Variants in LCOR observed in about 807,000 individuals in gnomAD.
LCOR encodes ligand-dependent corepressor.
A neutral mutation model predicts 64.4 loss-of-function variants in LCOR; 14 were observed. The ratio of observed to expected loss-of-function variants is 0.22; its 90% CI spans 0.14 to 0.34. The LOEUF (loss-of-function observed/expected upper bound fraction) is 0.34, where lower values mean the gene tolerates loss of function less well. LCOR is among the 10% of genes least tolerant of loss of function. LCOR has a pLI of 1.00. For missense variants in LCOR, 1,686 were observed against 1,765.3 expected, an observed-to-expected ratio of 0.96 and a Z score of 0.80; for synonymous variants, 643 against 642.5, an observed-to-expected ratio of 1.00 and a Z score of -0.01.
chr10:96,920,111 A>G (rs1216550062), intron 4 of LCOR, among the ~76,000 whole-genome samples: 1 of 151,940 alleles, frequency 6.6e-6, no homozygotes. Flanking sequence ...TGCTACCAGC[A>G]AGGCTAAAGG....
intron 2 of LCOR, among the ~76,000 whole-genome samples, chr10:96,833,720 A>G (rs968777288): frequency 1.3e-5 from 2 of 152,234 alleles, no homozygotes; most frequent in African/African-American, 2.4e-5. Flanking sequence ...CTTTCCCGGC[A>G]GAATCTAGGA....
At chr10:96,895,935 A>G (rs1462305580) in intron 2 of LCOR, among the ~76,000 whole-genome samples, 1 of 152,146 alleles carries the variant, frequency 6.6e-6, no homozygotes, top group Non-Finnish European at 1.5e-5. Flanking sequence ...TTTAAAAATT[A>G]ACTAGCTGTT....
At position 96,982,470 on chromosome 10, in the gene LCOR, CCTT is replaced by C. The variant is rs1435750569; in HGVS notation, c.2012_2014del (p.Leu671del). Reference sequence around the variant, plus strand: ...TGAGTGTACCCCAGGACTGTCACCTCCTTCCCTCCACTGAAAGCTTTTCCGGGG... The same window carrying C: ...TGAGTGTACCCCAGGACTGTCACCTCCCCTCCACTGAAAGCTTTTCCGGGG... On this transcript the variant is annotated inframe_deletion, in exon 8 of 8. Transcript: ENST00000421806. The C allele has an allele frequency of 6.2e-7, 1 of 1,614,128 alleles. No homozygotes were observed. The highest frequency in any genetic ancestry group is 8.5e-7 in the Non-Finnish European group (1 of 1,180,050).
Position 96,981,300 on chromosome 10 carries a change from C to T in LCOR, c.840C>T (p.Asn280=), listed in dbSNP as rs1184566183. The T allele has an allele frequency of 2.0e-6, 3 of 1,523,206 alleles. No individual in the cohort carries two copies. The Admixed American group carries it at 5.0e-5, about 26-fold the overall frequency. The allele number at this position is 1,523,206 out of a possible 1,614,324, so 94.4% of individuals were successfully genotyped here. The change falls in exon 8 of 8, where the codon AAC becomes AAT. Residue 280 remains asparagine (N), a synonymous_variant. Coordinates refer to ENST00000421806, the MANE Select transcript of LCOR (RefSeq NM_001346516.2). ...CTGCATCTAATTGTTCCTCAGTGAACTTCCACCACATCCCTAAAATCTTGG... is the reference window on the plus strand; with the variant it reads ...CTGCATCTAATTGTTCCTCAGTGAATTTCCACCACATCCCTAAAATCTTGG... ...YLTASNCSSV[N]FHHIPKILEG...
chr10:96,911,339 C>T (rs1318355118), intron 4 of LCOR, among the ~76,000 whole-genome samples: 6 of 152,110 alleles, frequency 3.9e-5, no homozygotes, highest in Non-Finnish European at 8.8e-5. Context: ...CTCAAGTGAT[C>T]CACTCGCCTC....
At chr10:96,893,270 G>A (rs1456236713) in intron 2 of LCOR, among the ~76,000 whole-genome samples, 1 of 152,130 alleles carries the variant, frequency 6.6e-6, no homozygotes, top group Non-Finnish European at 1.5e-5. Context: ...ATTGTTGTAT[G>A]TAGTCTTTTA....
chr10:96,848,824 C>A (rs1398803777), intron 2 of LCOR, among the ~76,000 whole-genome samples: 1 of 152,046 alleles, frequency 6.6e-6, no homozygotes, highest in Non-Finnish European at 1.5e-5. Context: ...AATATTCTTT[C>A]AGGAATGGTT....
intron 4 of LCOR, among the ~76,000 whole-genome samples, chr10:96,923,609 G>A (rs1847117875): frequency 6.6e-6 from 1 of 152,162 alleles, no homozygotes; most frequent in South Asian, 2.1e-4. Context: ...AGATATTAGA[G>A]CTACAAAAGA....
chr10:96,892,486 C>T (rs921702053), intron 2 of LCOR, among the ~76,000 whole-genome samples: 6 of 152,062 alleles, frequency 3.9e-5, no homozygotes, highest in Non-Finnish European at 5.9e-5. Context: ...GGTGAGGTGC[C>T]GCTTTCTGGT....
intron 4 of LCOR, among the ~76,000 whole-genome samples, chr10:96,932,747 C>A (rs772128988): frequency 4.6e-5 from 7 of 152,174 alleles, no homozygotes; most frequent in Non-Finnish European, 8.8e-5. Flanking sequence ...CAGGCATGAG[C>A]CACCATGCCT....
In LCOR at chr10:96,891,041, T is replaced by C. The variant is rs185781043; in HGVS notation, c.-329-16224T>C. On this transcript the variant is annotated intron_variant, in intron 2 of 7. Transcript: ENST00000421806. ...CTTTGCTATCAGGGTAATACTAGAT[T>C]TATGGGATGAGTTTGGAAGTATTCA... 2.2e-3 allele frequency among the ~76,000 whole-genome samples: 342 copies of C among 152,306 alleles called. 5 individuals carry two copies. The highest frequency in any genetic ancestry group is 7.9e-3 in the African/African-American group (328 of 41,560).
At chr10:96,952,491 G>A (rs536770133) in intron 7 of LCOR, among the ~76,000 whole-genome samples, 11 of 152,194 alleles carry the variant, frequency 7.2e-5, no homozygotes, top group Non-Finnish European at 1.3e-4. Context: ...AAGTTTAGAT[G>A]TAAAGACAGT....
chr10:96,977,662 AGTTTGTTT>A (rs144809803), intron 7 of LCOR, among the ~76,000 whole-genome samples: 22 of 151,926 alleles, frequency 1.4e-4, no homozygotes, highest in Admixed American at 1.2e-3. Flanking sequence ...TTGATCTCCA[AGTTTGTTT>A]GTTTGTTTGT....
intron 2 of LCOR, among the ~76,000 whole-genome samples, chr10:96,879,988 TGCATGTCTG>T (rs1846235131): frequency 1.3e-5 from 2 of 152,340 alleles, no homozygotes; most frequent in African/African-American, 4.8e-5. Context: ...TGATTCTGTT[TGCATGTCTG>T]GCATGTTACA....
intron 2 of LCOR, among the ~76,000 whole-genome samples, chr10:96,836,635 G>A (rs961586882): frequency 6.6e-6 from 1 of 152,190 alleles, no homozygotes; most frequent in Non-Finnish European, 1.5e-5. Flanking sequence ...GCAAATGCTA[G>A]GGGTGTTTAG....
At chr10:96,954,643 A>G (rs1328120701) in intron 7 of LCOR, among the ~76,000 whole-genome samples, 3 of 152,030 alleles carry the variant, frequency 2.0e-5, no homozygotes, top group African/African-American at 4.8e-5. Context: ...TTAAGATGCT[A>G]TTTTCAGACA....
At position 96,985,072 on chromosome 10, in the gene LCOR, C is replaced by T; in HGVS notation, c.4612C>T (p.Arg1538Ter). ...AGAGAGCAGTGCAGCTCAGAGAAAG[C>T]GAAAGCTGAAGGCAAAGCTGGACTG... The part of the protein sequence containing the change: ...TPESSAAQRK[R>*]KLKAKLDCSH... The change falls in exon 8 of 8, where the codon CGA (arginine) becomes TGA (stop). Residue 1538 changes from arginine (R) to a stop codon, truncating the protein, a stop_gained. Coordinates refer to ENST00000421806, the MANE Select transcript of LCOR (RefSeq NM_001346516.2). LOFTEE classifies it high-confidence loss of function. The T allele has an allele frequency of 4.3e-6, 7 of 1,613,756 alleles. No homozygotes were observed. Among genetic ancestry groups the T allele is most frequent in the Non-Finnish European group, 5.1e-6 (6 of 1,179,930 alleles).
chr10:96,970,652 T>A lies in LCOR; in HGVS notation c.333-10141T>A, dbSNP rs867175521. Among the ~76,000 whole-genome samples the A allele has an allele frequency of 7.4e-3, 1,047 of 140,588 alleles. 15 individuals are homozygous for A. Among genetic ancestry groups the A allele is most frequent in the African/African-American group, 0.03 (994 of 32,680 alleles). The allele number at this position is 140,588 out of a possible 152,430, so 92.2% of individuals were successfully genotyped here. On this transcript the variant is annotated intron_variant, in intron 7 of 7. Transcript: ENST00000421806. ...TATTTTATTTTATTTTATTTTATTTTATTTATTTTATTTTATTTTATTTTA... is the reference window on the plus strand; with the variant it reads ...TATTTTATTTTATTTTATTTTATTTAATTTATTTTATTTTATTTTATTTTA...
At chr10:96,833,090 CG>C (rs1447129283) in intron 1 of LCOR, 16 of 986,000 alleles carry the variant, frequency 1.6e-5, no homozygotes, top group Non-Finnish European at 1.8e-5. Context: ...CGGCGGTGGC[CG>C]GGGAGTTAAT....
Sources: gnomAD v4.1 joint callset for allele counts (sites outside exome capture counted in the v4.1 genomes callset) on GRCh38, gnomAD v4.1.1 for gene constraint, MANE v1.5 for transcripts, NCBI Gene and HGNC (gene_info 2026-07-23, HGNC 2026-07-21) for gene names.